Variants in ANKRD28 observed in about 807,000 individuals in gnomAD.
ANKRD28 encodes serine/threonine-protein phosphatase 6 regulatory ankyrin repeat subunit A.
ANKRD28 carries 44 observed loss-of-function variants against 126.5 expected under a neutral mutation model. The ratio of observed to expected loss-of-function variants is 0.35; its 90% CI spans 0.27 to 0.45. The LOEUF is 0.45. Ranked by LOEUF, ANKRD28 falls within the 20% of genes least tolerant of loss-of-function variation. The pLI is 1.00. For missense variants in ANKRD28, 1,110 were observed against 1,316.6 expected (o/e 0.84, Z 2.43); for synonymous variants, 442 against 468.5 (o/e 0.94, Z 0.73).
At chr3:15,792,106 G>C (rs1224528721) in intron 2 of ANKRD28, among the ~76,000 whole-genome samples, 1 of 151,596 alleles carries the variant, frequency 6.6e-6, no homozygotes, top group Non-Finnish European at 1.5e-5. Context: ...TAAAGAAAAG[G>C]GAACCCTTGT....
chr3:15,686,282 C>A lies in ANKRD28; in HGVS notation c.1991G>T (p.Arg664Leu). 1 of 1,587,472 alleles carries A rather than the reference C, an allele frequency of 6.3e-7. No homozygotes were observed. Among genetic ancestry groups the A allele is most frequent in the Non-Finnish European group, 8.6e-7 (1 of 1,165,224 alleles). Residue 664 changes from arginine to leucine, a missense_variant, in exon 19 of 28, where the codon CGG (arginine) becomes CTG (leucine). Arg to Leu is a moderately radical substitution (Grantham distance 102). Transcript: ENST00000683139. ...TGGTTCTGCATTTCCTATTAATAGCCGTAAGCATTCTGAATGACCATTTGT... is the reference window on the plus strand; with the variant it reads ...TGGTTCTGCATTTCCTATTAATAGCAGTAAGCATTCTGAATGACCATTTGT... Reference protein sequence around the residue: ...AATNGHSECLRLLIGNAEPQN... With the variant: ...AATNGHSECLLLLIGNAEPQN...
In ANKRD28 at chr3:15,816,677, A is replaced by G. The variant is rs1006611469; in HGVS notation, c.28-21371T>C. On this transcript the variant is annotated intron_variant, in intron 1 of 27. Transcript: ENST00000399451. This position sits in a 1 kb window ranked among gnomAD's most constrained non-coding sequence, Gnocchi z 5.0. ...AACTAACAAACATTTAAGTTACATG[A>G]AACTGAAAAATGTATAAGAGCATCT... Among the ~76,000 whole-genome samples the G allele has an allele frequency of 5.3e-5, 8 of 152,224 alleles. No homozygotes were observed. Among genetic ancestry groups the G allele is most frequent in the Non-Finnish European group, 1.2e-4 (8 of 68,036 alleles).
intron 3 of ANKRD28, among the ~76,000 whole-genome samples, chr3:15,755,155 A>T (rs899376756): frequency 5.3e-5 from 8 of 152,058 alleles, no homozygotes; most frequent in South Asian, 4.1e-4. Flanking sequence ...AATAAAAAAT[A>T]AAAAAAATCA....
At chr3:15,673,126 C>A (rs895887632) in intron 27 of ANKRD28, among the ~76,000 whole-genome samples, 3 of 152,214 alleles carry the variant, frequency 2.0e-5, no homozygotes, top group South Asian at 4.1e-4. Context: ...GTTCCTCCCC[C>A]ACTTTCTCCT....
chr3:15,817,954 T>C lies in ANKRD28; in HGVS notation c.28-22648A>G, dbSNP rs905675937. Among the ~76,000 whole-genome samples the C allele has an allele frequency of 6.6e-6, 1 of 152,170 alleles. No individual in the cohort carries two copies. Among genetic ancestry groups the C allele is most frequent in the Admixed American group, 6.6e-5 (1 of 15,264 alleles). On this transcript the variant is annotated intron_variant, in intron 1 of 27. Coordinates refer to the ANKRD28 transcript ENST00000399451. The surrounding 1 kb of genome is among the most constrained non-coding windows in gnomAD (Gnocchi z 4.5). ...ATAGATTACCATTGCTGTTTCTACATACTACCAATGAACAACTGGAAATCA... is the reference window on the plus strand; with the variant it reads ...ATAGATTACCATTGCTGTTTCTACACACTACCAATGAACAACTGGAAATCA...
chr3:15,691,857 G>A (rs2068844935), intron 17 of ANKRD28, among the ~76,000 whole-genome samples: 1 of 152,128 alleles, frequency 6.6e-6, no homozygotes, highest in African/African-American at 2.4e-5. Context: ...AGCCAGTTGT[G>A]GTGGCTCACA....
Position 15,796,731 on chromosome 3 carries a change from G to A in ANKRD28, c.-210C>T, listed in dbSNP as rs528770717. 9.3e-4 allele frequency: 916 copies of A among 984,892 alleles called. No homozygotes were observed. The highest frequency in any genetic ancestry group is 1.0e-3 in the Non-Finnish European group (864 of 828,020). The allele number at this position is 984,892 out of a possible 1,614,324, so 61.0% of individuals were successfully genotyped here. On this transcript the variant is annotated 5_prime_UTR_variant, in exon 1 of 28. Transcript: ENST00000683139. ...TAATTTGTAACTTCCTAAATATAAC[G>A]AAATTCTATTATTTCTGTTGGATTA...
chr3:15,837,817 A>G (rs2061354739), intron 1 of ANKRD28, among the ~76,000 whole-genome samples: 1 of 151,998 alleles, frequency 6.6e-6, no homozygotes, highest in Non-Finnish European at 1.5e-5. Flanking sequence ...GAAAAAAGAA[A>G]AAGAAGAAAA....
At chr3:15,789,004 T>TA (rs1226889436) in intron 2 of ANKRD28, among the ~76,000 whole-genome samples, 1 of 152,176 alleles carries the variant, frequency 6.6e-6, no homozygotes, top group Non-Finnish European at 1.5e-5. Flanking sequence ...TCTTTCAACT[T>TA]AGAGTCCAAC....
At chr3:15,672,663 A>G (rs1485576115) in intron 27 of ANKRD28, among the ~76,000 whole-genome samples, 2 of 152,220 alleles carry the variant, frequency 1.3e-5, no homozygotes, top group Non-Finnish European at 2.9e-5. Flanking sequence ...GGCAGGCAGA[A>G]CAACCCATTA....
At chr3:15,802,739 C>T (rs1040557167), upstream of ANKRD28, among the ~76,000 whole-genome samples, 2 of 152,132 alleles carry the variant, frequency 1.3e-5, no homozygotes, top group Non-Finnish European at 2.9e-5. Flanking sequence ...CTTCAGCCAC[C>T]ATTTTGGTGG....
At chr3:15,739,481 C>T (rs1017575242) in intron 4 of ANKRD28, among the ~76,000 whole-genome samples, 1 of 152,022 alleles carries the variant, frequency 6.6e-6, no homozygotes, top group Admixed American at 6.6e-5. Flanking sequence ...CGACCAAAAC[C>T]GAAAGAGATC....
intron 2 of ANKRD28, among the ~76,000 whole-genome samples, chr3:15,783,806 G>C (rs1475220995): frequency 6.6e-6 from 1 of 151,760 alleles, no homozygotes; most frequent in Admixed American, 6.6e-5. Context: ...CCAAATGAAC[G>C]TCAGATAACA....
intron 2 of ANKRD28, among the ~76,000 whole-genome samples, chr3:15,767,889 A>G (rs1403579407): frequency 6.8e-6 from 1 of 147,374 alleles, no homozygotes; most frequent in African/African-American, 2.6e-5. Context: ...CTCTGTCACC[A>G]AAACAAAACA....
rs2060834863 is a variant in ANKRD28, at chr3:15,816,587, T to C, written c.28-21281A>G. Among the ~76,000 whole-genome samples the C allele has an allele frequency of 6.6e-6, 1 of 152,210 alleles. No individual in the cohort carries two copies. Among genetic ancestry groups the C allele is most frequent in the Non-Finnish European group, 1.5e-5 (1 of 68,026 alleles). On this transcript the variant is annotated intron_variant, in intron 1 of 27. Coordinates refer to the ANKRD28 transcript ENST00000399451. This position sits in a 1 kb window ranked among gnomAD's most constrained non-coding sequence, Gnocchi z 5.0. ...TTTAAAGTCTTTCTGTTCTATAAAGTTGCTTCAAAAGGAAAAGTGTTTGGT... is the reference window on the plus strand; with the variant it reads ...TTTAAAGTCTTTCTGTTCTATAAAGCTGCTTCAAAAGGAAAAGTGTTTGGT...
chr3:15,797,073 T>C lies in ANKRD28; in HGVS notation c.-552A>G, dbSNP rs975793175. 2.0e-6 allele frequency: 2 copies of C among 985,190 alleles called. No homozygotes were observed. The highest frequency in any genetic ancestry group is 2.4e-6 in the Non-Finnish European group (2 of 829,898). The allele number at this position is 985,190 out of a possible 1,614,324, so 61.0% of individuals were successfully genotyped here. A position where few individuals can be genotyped will look rare whatever the true frequency, so the allele number is the denominator to read the frequency against. The stretch of plus-strand genomic sequence containing the variant: ...CTATTCTGTTTCCACTTCTAATTTG[T>C]CTTCATTTCTTCATCACTGGTTTAA... On this transcript the variant is annotated 5_prime_UTR_variant, in exon 1 of 28. Transcript: ENST00000683139.
At chr3:15,850,224 T>TATATATATATATATATATATATAG (rs1418223588) in intron 1 of ANKRD28, among the ~76,000 whole-genome samples, 3 of 35,112 alleles carry the variant, frequency 8.5e-5, no homozygotes, top group Admixed American at 4.8e-4. Context: ...TATATATATA[T>TATATATATATATATATATATATAG]AGAGAGAGAG....
In ANKRD28 at chr3:15,819,833, G is replaced by A. The variant is rs1055916384; in HGVS notation, c.28-24527C>T. Among the ~76,000 whole-genome samples the A allele has an allele frequency of 3.9e-5, 6 of 152,162 alleles. No homozygotes were observed. In the East Asian group the frequency reaches 9.6e-4, roughly 24 times the overall value. ...CCAATCAGAAATCATTAGGGGTGGAGCCTGGGAATTTATAATTTCAAACAA... is the reference window on the plus strand; with the variant it reads ...CCAATCAGAAATCATTAGGGGTGGAACCTGGGAATTTATAATTTCAAACAA... On this transcript the variant is annotated intron_variant, in intron 1 of 27. Transcript: ENST00000399451.
chr3:15,852,605 G>A (rs983706533), intron 1 of ANKRD28, among the ~76,000 whole-genome samples: 15 of 151,854 alleles, frequency 9.9e-5, no homozygotes, highest in East Asian at 3.9e-4. Context: ...AGGCCGAGGC[G>A]GGCGGATCAC....
Sources: allele counts gnomAD v4.1 joint callset (sites outside exome capture counted in the v4.1 genomes callset), GRCh38; gene constraint gnomAD v4.1.1; non-coding constraint Gnocchi (gnomAD v3.1); transcripts MANE v1.5; gene names NCBI Gene and HGNC (gene_info 2026-07-23, HGNC 2026-07-21).